The following PTCD3 variants were observed in gnomAD, a reference collection of about 807,000 sequenced individuals.
PTCD3 encodes the protein small ribosomal subunit protein mS39.
Under a neutral mutation model 101.9 loss-of-function variants are expected in PTCD3, and 89 were observed. The observed-to-expected ratio is 0.87, with a 90% confidence interval of 0.74 to 1.04. PTCD3 has a LOEUF of 1.04. Among genes scored for constraint, PTCD3 ranks in the 50% least tolerant of loss-of-function variants. PTCD3 has a pLI of 0.00. For missense variants in PTCD3, 870 were observed against 828.2 expected, an observed-to-expected ratio of 1.05 and a Z score of -0.62; for synonymous variants, 296 against 278.5, an observed-to-expected ratio of 1.06 and a Z score of -0.63.
chr2:86,136,523 A>G lies in PTCD3; in HGVS notation c.1781A>G (p.Lys594Arg). Residue 594 changes from lysine to arginine, a missense_variant and splice_region_variant, in exon 22 of 24, where the codon AAA (lysine) becomes AGA (arginine). By Grantham distance (26) the Lys-to-Arg change is conservative (BLOSUM62 2). Coordinates refer to ENST00000254630, the MANE Select transcript of PTCD3 (RefSeq NM_017952.6). Reference protein sequence around the residue: ...LRAGRTQEAWKMLGLFRKHNK... With the variant: ...LRAGRTQEAWRMLGLFRKHNK... Reference sequence around the variant, plus strand: ...AATCTTTTTCCTTTCTTGAGCAGGAAAATGTTGGGGCTTTTCAGGAAGCAT... The same window carrying G: ...AATCTTTTTCCTTTCTTGAGCAGGAGAATGTTGGGGCTTTTCAGGAAGCAT... 1 of 1,610,982 alleles carries G rather than the reference A, an allele frequency of 6.2e-7. No homozygotes were observed. Among genetic ancestry groups the G allele is most frequent in the Non-Finnish European group, 8.5e-7 (1 of 1,177,120 alleles).
At chr2:86,135,132 T>G (rs1311412264) in intron 21 of PTCD3, 145 bp downstream of exon 21, 2 of 886,274 alleles carry the variant, frequency 2.3e-6, no homozygotes, top group Non-Finnish European at 3.4e-6. Flanking sequence ...AAAAGCAAAC[T>G]TTTGGAAGAA....
intron 7 of PTCD3, 115 bp downstream of exon 7, chr2:86,119,159 T>C: frequency 7.5e-7 from 1 of 1,336,710 alleles, no homozygotes; most frequent in Non-Finnish European, 1.0e-6. Context: ...TACTCTGCTT[T>C]GATGGCTGCG....
intron 4 of PTCD3, among the ~76,000 whole-genome samples, chr2:86,114,450 C>T (rs894021834): frequency 1.3e-5 from 2 of 152,008 alleles, no homozygotes; most frequent in Admixed American, 6.6e-5. Context: ...CCCCCACGCC[C>T]GGCTAATTTT....
chr2:86,128,044 T>G, intron 14 of PTCD3, 53 bp downstream of exon 14: 1 of 1,388,870 alleles, frequency 7.2e-7, no homozygotes, highest in East Asian at 2.3e-5. Context: ...ACCAGCTTTC[T>G]TGAGTTTATG....
At position 86,141,657 on chromosome 2, in the gene PTCD3, C is replaced by T. The variant is rs947705612; in HGVS notation, c.*4098C>T. 6 of 152,234 alleles carry T rather than the reference C, an allele frequency of 3.9e-5. No individual in the cohort carries two copies. Among genetic ancestry groups the T allele is most frequent in the African/African-American group, 1.4e-4 (6 of 41,464 alleles). The allele number at this position is 152,234 out of a possible 1,614,324, so 9.4% of individuals were successfully genotyped here. On this transcript the variant is annotated 3_prime_UTR_variant, in exon 24 of 24. Coordinates refer to ENST00000254630, the MANE Select transcript of PTCD3 (RefSeq NM_017952.6). ...GATGTGTGAGTTTTAAGATGTTGAACACTGTCCTACATCAGTGAGGAGGGA... is the reference window on the plus strand; with the variant it reads ...GATGTGTGAGTTTTAAGATGTTGAATACTGTCCTACATCAGTGAGGAGGGA...
At position 86,133,411 on chromosome 2, in the gene PTCD3, A is replaced by G. The variant is rs942188316; in HGVS notation, c.1518A>G (p.Leu506=). The change falls in exon 19 of 24, where the codon CTA becomes CTG. Residue 506 remains leucine (L), a synonymous_variant. Coordinates refer to ENST00000254630, the MANE Select transcript of PTCD3 (RefSeq NM_017952.6). The part of the protein sequence containing the change: ...LLQALDVANR[L]EVIPKIWKDS... ...AAGCATTGGATGTGGCCAATCGGCT[A>G]GAAGTGATTCCTAAAATTTGGAAAG... The G allele has an allele frequency of 7.4e-6, 12 of 1,613,986 alleles. No individual in the cohort carries two copies. Among genetic ancestry groups the G allele is most frequent in the Non-Finnish European group, 1.0e-5 (12 of 1,179,944 alleles).
chr2:86,112,397 A>G (rs1490287181), intron 4 of PTCD3, among the ~76,000 whole-genome samples: 4 of 148,084 alleles, frequency 2.7e-5, no homozygotes, highest in Non-Finnish European at 4.5e-5. Flanking sequence ...GGCCAGGAGC[A>G]GTGGCTCACA....
In PTCD3 at chr2:86,137,836, T is replaced by C; in HGVS notation, c.*277T>C. ...ATGGTGAGGTCCATGGCTCTTGTCATCAGGATAAGCCTGCACACCTAGAGT... is the reference window on the plus strand; with the variant it reads ...ATGGTGAGGTCCATGGCTCTTGTCACCAGGATAAGCCTGCACACCTAGAGT... On this transcript the variant is annotated 3_prime_UTR_variant, in exon 24 of 24. Transcript: ENST00000254630. The C allele has an allele frequency of 2.7e-6, 1 of 369,782 alleles. No individual in the cohort carries two copies. The highest frequency in any genetic ancestry group is 2.3e-5 in the South Asian group (1 of 43,668). 22.9% of individuals were successfully genotyped at this position (369,782 alleles called of 1,614,324 possible). A position where few individuals can be genotyped will look rare whatever the true frequency, so the allele number is the denominator to read the frequency against.
At chr2:86,109,249 C>CA (rs1243698671) in intron 3 of PTCD3, among the ~76,000 whole-genome samples, 2 of 151,994 alleles carry the variant, frequency 1.3e-5, no homozygotes, top group Non-Finnish European at 2.9e-5. Context: ...ACTAAAAATA[C>CA]AAAAAAATTA....
intron 5 of PTCD3, among the ~76,000 whole-genome samples, 180 bp downstream of exon 5, chr2:86,116,778 T>C (rs528203495): frequency 6.6e-6 from 1 of 152,326 alleles, no homozygotes; most frequent in African/African-American, 2.4e-5. Context: ...GGGAAAGGAT[T>C]TTTGGTTTTG....
chr2:86,125,323 T>C, intron 10 of PTCD3, 132 bp from the exon 11 acceptor site: 1 of 1,117,268 alleles, frequency 9.0e-7, no homozygotes. Context: ...CCCACTGCAC[T>C]AGAGTATGAG....
rs553514030 is a variant in PTCD3 at position 86,107,146 on chromosome 2, T to C, written c.104+795T>C. 1.5e-5 allele frequency: 7 copies of C among 471,236 alleles called. 1 individual carries two copies. The highest frequency in any genetic ancestry group is 1.1e-4 in the South Asian group (7 of 64,574). 29.2% of individuals were successfully genotyped at this position (471,236 alleles called of 1,614,324 possible). On this transcript the variant is annotated intron_variant, in intron 1 of 23. Transcript: ENST00000254630. ...CCCTCAAGAAAGAGAAACCACTCCATCTGATACTGCAGAAACCTTTGTGCT... is the reference window on the plus strand; with the variant it reads ...CCCTCAAGAAAGAGAAACCACTCCACCTGATACTGCAGAAACCTTTGTGCT...
At chr2:86,111,325 A>G (rs1674080557) in intron 4 of PTCD3, among the ~76,000 whole-genome samples, 167 bp downstream of exon 4, 1 of 152,166 alleles carries the variant, frequency 6.6e-6, no homozygotes, top group Non-Finnish European at 1.5e-5. Context: ...GCGGTGGCTC[A>G]CGCCTGTAAT....
chr2:86,107,234 T>C (rs1456753410), intron 1 of PTCD3: 1 of 471,188 alleles, frequency 2.1e-6, no homozygotes, highest in South Asian at 1.5e-5. Context: ...ACTCATTTTC[T>C]TTGCCTGAAG....
At chr2:86,111,355 G>T (rs550282338) in intron 4 of PTCD3, among the ~76,000 whole-genome samples, 197 bp downstream of exon 4, 2 of 152,100 alleles carry the variant, frequency 1.3e-5, no homozygotes, top group African/African-American at 4.8e-5. Context: ...TTGGGAGGCC[G>T]AGGCAGGTGG....
At chr2:86,118,770 T>C (rs1418866199) in intron 6 of PTCD3, 151 bp from the exon 7 acceptor site, 6 of 825,262 alleles carry the variant, frequency 7.3e-6, no homozygotes, top group Admixed American at 2.9e-5. Context: ...ACAGTGATGT[T>C]AAAATGATCA....
At position 86,130,668 on chromosome 2, in the gene PTCD3, T is replaced by C; in HGVS notation, c.1168T>C (p.Ser390Pro). 1 of 1,613,242 alleles carries C rather than the reference T, an allele frequency of 6.2e-7. No homozygotes were observed. Among genetic ancestry groups the C allele is most frequent in the Non-Finnish European group, 8.5e-7 (1 of 1,179,636 alleles). The change falls in exon 15 of 24, where the codon TCC becomes CCC. Residue 390 changes from serine to proline, a missense_variant. Coordinates refer to ENST00000254630, the MANE Select transcript of PTCD3 (RefSeq NM_017952.6). ...TGCAGGAGACCCTTTAAAGAGATCA[T>C]CCTTCATCATTTATGATATAATGAA... ...DQPGDPLKRS[S>P]FIIYDIMNEL... is the part of the protein sequence containing the mutation.
At chr2:86,111,034 C>A in intron 3 of PTCD3, 79 bp from the exon 4 acceptor site, 1 of 1,280,262 alleles carries the variant, frequency 7.8e-7, no homozygotes, top group Non-Finnish European at 1.1e-6. Flanking sequence ...TTGGCCAGTA[C>A]ACTGAGAGTA....
Position 86,137,514 on chromosome 2 carries a change from T to C in PTCD3, c.2025T>C (p.Thr675=). 6 of 1,613,198 alleles carry C rather than the reference T, an allele frequency of 3.7e-6. No homozygotes were observed. Among genetic ancestry groups the C allele is most frequent in the Non-Finnish European group, 5.1e-6 (6 of 1,179,856 alleles). ...NLTALTSDSD[T]DSSSDSDSDT... ...CTGCATTGACCAGTGACAGTGATAC[T>C]GACAGCAGCAGTGACAGCGACAGTG... Residue 675 remains threonine, a synonymous_variant, in exon 24 of 24, where the codon ACT becomes ACC. Coordinates refer to ENST00000254630, the MANE Select transcript of PTCD3 (RefSeq NM_017952.6).
Sources: gnomAD v4.1 joint callset for allele counts (sites outside exome capture counted in the v4.1 genomes callset) on GRCh38, gnomAD v4.1.1 for gene constraint, MANE v1.5 for transcripts, NCBI Gene and HGNC (gene_info 2026-07-23, HGNC 2026-07-21) for gene names.